Variants in ANGPT4 observed in about 807,000 individuals in gnomAD.
The protein encoded by ANGPT4 is angiopoietin 4.
ANGPT4 carries 50 observed loss-of-function variants against 53.0 expected under a neutral mutation model. The observed-to-expected ratio is 0.94, with a 90% CI of 0.75 to 1.20. ANGPT4 has a LOEUF of 1.20. ANGPT4 is among the 50% of genes most tolerant of loss of function. The probability of loss-of-function intolerance (pLI) is 0.00; values close to 1 mark genes in which losing one functional copy is unlikely to be tolerated. For missense variants in ANGPT4, 648 were observed against 637.1 expected (o/e 1.02, Z -0.18); for synonymous variants, 251 against 259.7 (o/e 0.97, Z 0.32).
At chr20:881,903 G>A (rs1459688521) in intron 4 of ANGPT4, among the ~76,000 whole-genome samples, 2 of 152,148 alleles carry the variant, frequency 1.3e-5, no homozygotes, top group African/African-American at 4.8e-5. Flanking sequence ...AGAGTTACTG[G>A]GGCCTGAACT....
chr20:916,263 T>C lies in ANGPT4; in HGVS notation c.-49A>G, dbSNP rs1425316268. 1 of 1,566,464 alleles carries C rather than the reference T, an allele frequency of 6.4e-7. No homozygotes were observed. The highest frequency in any genetic ancestry group is 1.7e-5 in the Admixed American group (1 of 57,892). On this transcript the variant is annotated 5_prime_UTR_variant, in exon 1 of 9. Coordinates refer to ENST00000381922, the MANE Select transcript of ANGPT4 (RefSeq NM_015985.4). ...GATGTCTGCTCAGAGCCCTAGGGGC[T>C]GTGCCTGGGATGTCCTGCTGCAGCC...
chr20:903,342 T>C (rs1426082451), intron 1 of ANGPT4, among the ~76,000 whole-genome samples: 1 of 152,158 alleles, frequency 6.6e-6, no homozygotes, highest in Non-Finnish European at 1.5e-5. Flanking sequence ...CTGCATCCAA[T>C]CTGTTGTCTC....
chr20:886,951 T>C (rs1233057667), intron 3 of ANGPT4, among the ~76,000 whole-genome samples: 1 of 152,228 alleles, frequency 6.6e-6, no homozygotes, highest in Non-Finnish European at 1.5e-5. Context: ...GTCTCTTTGT[T>C]CACTTCTGTA....
In ANGPT4 at chr20:914,328, G is replaced by A. The variant is rs912039041; in HGVS notation, c.309+1578C>T. Among the ~76,000 whole-genome samples the A allele has an allele frequency of 2.6e-5, 4 of 152,270 alleles. No homozygotes were observed. The highest frequency in any genetic ancestry group is 5.9e-5 in the Non-Finnish European group (4 of 68,020). ...GAAGAGGAAGGTGGTTATTTCGTAC[G>A]GGGAGGACAAGGAGGGCCTCTGGGG... On this transcript the variant is annotated intron_variant, in intron 1 of 8. Transcript: ENST00000381922. The surrounding 1 kb of genome is among the most constrained non-coding windows in gnomAD (Gnocchi z 5.0).
At chr20:885,040 C>T (rs1417289756) in intron 4 of ANGPT4, 38 bp downstream of exon 4, 3 of 1,611,006 alleles carry the variant, frequency 1.9e-6, no homozygotes, top group Non-Finnish European at 2.5e-6. Context: ...CTCTCCTGCC[C>T]GTCTTTAGCC....
chr20:905,023 C>A (rs961577689), intron 1 of ANGPT4, among the ~76,000 whole-genome samples: 1 of 152,188 alleles, frequency 6.6e-6, no homozygotes, highest in Non-Finnish European at 1.5e-5. Context: ...CACAGAGTTG[C>A]TTATTGCACC....
At chr20:881,736 T>C (rs913041085) in intron 4 of ANGPT4, among the ~76,000 whole-genome samples, 1 of 151,962 alleles carries the variant, frequency 6.6e-6, no homozygotes, top group Non-Finnish European at 1.5e-5. Flanking sequence ...GAAGCTGAGA[T>C]TTCAGCAGGG....
At chr20:892,610 G>A (rs1414815402) in intron 1 of ANGPT4, among the ~76,000 whole-genome samples, 1 of 135,448 alleles carries the variant, frequency 7.4e-6, no homozygotes, top group Non-Finnish European at 1.6e-5. Context: ...AAAAAAAAAA[G>A]TATAGAGAAT....
rs1195337969 is a variant in ANGPT4, at chr20:914,923, G to A, written c.309+983C>T. On this transcript the variant is annotated intron_variant, in intron 1 of 8. Coordinates refer to ENST00000381922, the MANE Select transcript of ANGPT4 (RefSeq NM_015985.4). This position sits in a 1 kb window ranked among gnomAD's most constrained non-coding sequence, Gnocchi z 5.0. Reference sequence around the variant, plus strand: ...GCCCTGGTCTTGGGCCAAAACCACAGTGGCATCCTCAGCTCCTTGCTTCCT... The same window carrying A: ...GCCCTGGTCTTGGGCCAAAACCACAATGGCATCCTCAGCTCCTTGCTTCCT... Among the ~76,000 whole-genome samples, 1 of 152,162 alleles carries A rather than the reference G, an allele frequency of 6.6e-6. No homozygotes were observed. The highest frequency in any genetic ancestry group is 2.4e-5 in the African/African-American group (1 of 41,428).
chr20:887,636 C>CTTT (rs55666688), intron 3 of ANGPT4, among the ~76,000 whole-genome samples: 1 of 130,506 alleles, frequency 7.7e-6, no homozygotes, highest in Non-Finnish European at 1.7e-5. Flanking sequence ...CTCATGACCG[C>CTTT]TTTTTTTTTT....
chr20:913,976 TGGG>T (rs1982815813), intron 1 of ANGPT4, among the ~76,000 whole-genome samples: 2 of 152,068 alleles, frequency 1.3e-5, no homozygotes, highest in South Asian at 2.1e-4. Flanking sequence ...AGGGAGGTGT[TGGG>T]GGAGATCCAG....
chr20:912,784 C>T lies in ANGPT4; in HGVS notation c.309+3122G>A, dbSNP rs541436166. ...GCAAGCTGTATGCTAGGAAAGAGTG[C>T]GTATCTGGGGACTTGGAAACTCTGC... On this transcript the variant is annotated intron_variant, in intron 1 of 8. Coordinates refer to ENST00000381922, the MANE Select transcript of ANGPT4 (RefSeq NM_015985.4). Among the ~76,000 whole-genome samples, 6 of 151,086 alleles carry T rather than the reference C, an allele frequency of 4.0e-5. No individual in the cohort carries two copies. The South Asian group carries it at 8.3e-4, about 21-fold the overall frequency.
Position 888,455 on chromosome 20 carries a change from G to A in ANGPT4, c.466-16C>T, listed in dbSNP as rs768128053. The A allele has an allele frequency of 9.3e-6, 15 of 1,607,720 alleles. No individual in the cohort carries two copies. The highest frequency in any genetic ancestry group is 3.3e-5 in the Admixed American group (2 of 59,870). On this transcript the variant is annotated splice_polypyrimidine_tract_variant and intron_variant, in intron 2 of 8. Coordinates refer to ENST00000381922, the MANE Select transcript of ANGPT4 (RefSeq NM_015985.4). ...GGTTCAGGAGCTGCCCCAGCAAGCA[G>A]AAGCAGGTAGGGGGCTGCGTAAGCG...
chr20:886,081 G>A (rs745466206), intron 3 of ANGPT4, among the ~76,000 whole-genome samples: 20 of 151,452 alleles, frequency 1.3e-4, no homozygotes, highest in Admixed American at 7.2e-4. Flanking sequence ...TTTTGTACAG[G>A]TTCCTGTTGT....
In ANGPT4 at chr20:885,263, A is replaced by G. The variant is rs1981573524; in HGVS notation, c.650T>C (p.Leu217Pro). The G allele has an allele frequency of 6.3e-7, 1 of 1,582,672 alleles. No homozygotes were observed. Among genetic ancestry groups the G allele is most frequent in the African/African-American group, 1.3e-5 (1 of 74,580 alleles). Residue 217 changes from leucine (L) to proline (P), a missense_variant, in exon 4 of 9, where the codon CTC (leucine) becomes CCC (proline). Transcript: ENST00000381922. The stretch of plus-strand genomic sequence containing the variant: ...GTTCAGCAGCTTCGCCTTCTTGCTG[A>G]GGATGCTGGCCAGCTCCTCCTGCTG... ...TKQQEELASI[L>P]SKKAKLLNTL... is the part of the protein sequence containing the mutation.
intron 4 of ANGPT4, among the ~76,000 whole-genome samples, chr20:884,593 C>G (rs1981533739): frequency 6.6e-6 from 1 of 152,228 alleles, no homozygotes; most frequent in Admixed American, 6.5e-5. Flanking sequence ...CCAGGGATGC[C>G]TCTTCACTTC....
chr20:907,023 T>C (rs1190248815), intron 1 of ANGPT4, among the ~76,000 whole-genome samples: 1 of 152,208 alleles, frequency 6.6e-6, no homozygotes, highest in Non-Finnish European at 1.5e-5. Context: ...GCTTGCTCAA[T>C]AGCTTTGCCA....
intron 2 of ANGPT4, among the ~76,000 whole-genome samples, chr20:888,838 G>A (rs1981721886): frequency 6.6e-6 from 1 of 152,116 alleles, no homozygotes; most frequent in African/African-American, 2.4e-5. Context: ...CAGTAGCCTG[G>A]GGCTGCCTCT....
chr20:885,017 G>A (rs1600048253), intron 4 of ANGPT4, 61 bp downstream of exon 4: 4 of 1,596,790 alleles, frequency 2.5e-6, no homozygotes, highest in East Asian at 2.3e-5. Flanking sequence ...GGGTGAGCAG[G>A]GTCTCCCCTC....
Sources: allele counts gnomAD v4.1 joint callset (sites outside exome capture counted in the v4.1 genomes callset), GRCh38; gene constraint gnomAD v4.1.1; non-coding constraint Gnocchi (gnomAD v3.1); transcripts MANE v1.5; gene names NCBI Gene and HGNC (gene_info 2026-07-23, HGNC 2026-07-21).